RHPN2: variants seen among roughly 807,000 people sequenced by gnomAD.
RHPN2 encodes the protein rhophilin-2.
Under a neutral mutation model 79.0 loss-of-function variants are expected in RHPN2, and 40 were observed. The ratio of observed to expected loss-of-function variants is 0.51; its 90% CI spans 0.39 to 0.66. The LOEUF (loss-of-function observed/expected upper bound fraction) is 0.66. RHPN2 is among the 30% of genes least tolerant of loss of function. The pLI is 0.00. For missense variants in RHPN2, 686 were observed against 883.5 expected, an observed-to-expected ratio of 0.78 and a Z score of 2.83; for synonymous variants, 285 against 363.5, an observed-to-expected ratio of 0.78 and a Z score of 2.46.
chr19:33,033,374 C>T (rs1253533893), intron 2 of RHPN2, among the ~76,000 whole-genome samples: 15 of 151,788 alleles, frequency 9.9e-5, no homozygotes, highest in African/African-American at 2.4e-4. Context: ...AAGATCAGCC[C>T]GGCCAACATG....
At chr19:33,023,437 GAAAAAAAAAAA>G in intron 3 of RHPN2, among the ~76,000 whole-genome samples, 1 of 77,786 alleles carries the variant, frequency 1.3e-5, no homozygotes, top group Non-Finnish European at 2.6e-5. Flanking sequence ...TCCATCTCAG[GAAAAAAAAAAA>G]AAAAGAAAAA....
intron 1 of RHPN2, among the ~76,000 whole-genome samples, chr19:33,059,484 G>T (rs538878104): frequency 6.6e-6 from 1 of 151,866 alleles, no homozygotes; most frequent in South Asian, 2.1e-4. Flanking sequence ...ATTTTTAGTA[G>T]AGACAGGGTT....
intron 4 of RHPN2, 37 bp from the exon 5 acceptor site, chr19:33,012,761 G>A (rs1971845541): frequency 1.7e-6 from 2 of 1,211,168 alleles, no homozygotes; most frequent in Non-Finnish European, 2.5e-6. Context: ...ATAAAGTGTG[G>A]CTGAAAACCA....
chr19:32,990,838 T>A (rs1971652937), intron 13 of RHPN2, 169 bp from the exon 14 acceptor site: 1 of 665,820 alleles, frequency 1.5e-6, no homozygotes, highest in African/African-American at 1.8e-5. Context: ...AAGACCAGCC[T>A]GTACAACACG....
intron 10 of RHPN2, among the ~76,000 whole-genome samples, chr19:32,998,734 AAGG>A (rs1242648513): frequency 6.8e-6 from 1 of 147,026 alleles, no homozygotes; most frequent in African/African-American, 2.5e-5. Context: ...GGAAAGAATA[AAGG>A]AGAGAGGAGA....
chr19:33,039,743 C>G (rs1009442183), intron 2 of RHPN2, among the ~76,000 whole-genome samples: 2 of 151,596 alleles, frequency 1.3e-5, no homozygotes, highest in African/African-American at 4.8e-5. Flanking sequence ...GAGGCTGAGG[C>G]AGGAGAATCA....
At chr19:33,037,584 G>A (rs766636265) in intron 2 of RHPN2, among the ~76,000 whole-genome samples, 3 of 152,030 alleles carry the variant, frequency 2.0e-5, no homozygotes, top group African/African-American at 4.8e-5. Flanking sequence ...TGAAGCCAGC[G>A]AGACCACAAA....
chr19:32,985,982 A>T (rs1971610576), intron 14 of RHPN2, among the ~76,000 whole-genome samples: 1 of 152,236 alleles, frequency 6.6e-6, no homozygotes, highest in Non-Finnish European at 1.5e-5. Flanking sequence ...GGTGAAAAGA[A>T]TAAACATCAT....
intron 9 of RHPN2, among the ~76,000 whole-genome samples, chr19:33,001,395 T>C (rs1336400291): frequency 1.3e-5 from 2 of 152,046 alleles, no homozygotes; most frequent in Admixed American, 6.6e-5. Context: ...TTTTTTTAAT[T>C]AACTGGTGTA....
Position 33,009,038 on chromosome 19 carries a change from T to C in RHPN2, c.594-858A>G, listed in dbSNP as rs543946508. 2.6e-5 allele frequency among the ~76,000 whole-genome samples: 4 copies of C among 151,288 alleles called. No homozygotes were observed. The South Asian group carries it at 8.3e-4, about 32-fold the overall frequency. Reference sequence around the variant, plus strand: ...ATTGCTACCTACTGTATACGCTGTGTGATTCCAACATTCTGAAAAGCCAAA... The same window carrying C: ...ATTGCTACCTACTGTATACGCTGTGCGATTCCAACATTCTGAAAAGCCAAA... On this transcript the variant is annotated intron_variant, in intron 6 of 14. Coordinates refer to ENST00000254260, the MANE Select transcript of RHPN2 (RefSeq NM_033103.5).
chr19:33,045,774 A>T (rs917215001), intron 1 of RHPN2, among the ~76,000 whole-genome samples: 1 of 152,002 alleles, frequency 6.6e-6, no homozygotes, highest in African/African-American at 2.4e-5. Context: ...ACGCCCATCA[A>T]CCACTATCTG....
intron 1 of RHPN2, among the ~76,000 whole-genome samples, chr19:33,060,260 C>T (rs1972268749): frequency 6.6e-6 from 1 of 152,184 alleles, no homozygotes; most frequent in South Asian, 2.1e-4. Context: ...ATCCTGCTGC[C>T]TCAGCCTCCT....
At position 33,011,575 on chromosome 19, in the gene RHPN2, T is replaced by C. The variant is rs1971835356; in HGVS notation, c.593+104A>G. 2.9e-6 allele frequency: 4 copies of C among 1,357,024 alleles called. No homozygotes were observed. The Admixed American group carries it at 6.8e-5, about 23-fold the overall frequency. 84.1% of individuals were successfully genotyped at this position (1,357,024 alleles called of 1,614,324 possible). A position where few individuals can be genotyped will look rare whatever the true frequency, so the allele number is the denominator to read the frequency against. On this transcript the variant is annotated intron_variant, in intron 6 of 14. Transcript: ENST00000254260. ...ATAAATGCAAGATAGGAAAGGGGGCTGAGGTGCACAGGGGCACCCGCAGAG... is the reference window on the plus strand; with the variant it reads ...ATAAATGCAAGATAGGAAAGGGGGCCGAGGTGCACAGGGGCACCCGCAGAG...
At chr19:32,990,844 A>G in intron 13 of RHPN2, 175 bp from the exon 14 acceptor site, 1 of 635,550 alleles carries the variant, frequency 1.6e-6, no homozygotes, top group Non-Finnish European at 2.8e-6. Flanking sequence ...AGCCTGTACA[A>G]CACGGTGAAA....
At chr19:33,023,078 A>G (rs1411875578) in intron 3 of RHPN2, among the ~76,000 whole-genome samples, 1 of 152,046 alleles carries the variant, frequency 6.6e-6, no homozygotes, top group Non-Finnish European at 1.5e-5. Context: ...TTTCTTTCCC[A>G]CCTACCTCCT....
At chr19:33,028,904 T>G (rs1027095843) in intron 2 of RHPN2, among the ~76,000 whole-genome samples, 7 of 152,046 alleles carry the variant, frequency 4.6e-5, no homozygotes, top group Admixed American at 3.9e-4. Context: ...TTTGGGAGGT[T>G]GAGGTGGGTA....
Position 32,980,268 on chromosome 19 carries a change from A to G in RHPN2, c.1801-12T>C, listed in dbSNP as rs1971563824. 2.5e-6 allele frequency: 4 copies of G among 1,613,536 alleles called. No homozygotes were observed. In the South Asian group the frequency reaches 4.4e-5, roughly 18 times the overall value. ...GCACTCTTATTATGCTGCACATAGAAAAGTAAGAAAAAGGGCGTCAGGCAT... is the reference window on the plus strand; with the variant it reads ...GCACTCTTATTATGCTGCACATAGAGAAGTAAGAAAAAGGGCGTCAGGCAT... On this transcript the variant is annotated splice_polypyrimidine_tract_variant and intron_variant, in intron 14 of 14. Coordinates refer to ENST00000254260, the MANE Select transcript of RHPN2 (RefSeq NM_033103.5).
intron 14 of RHPN2, among the ~76,000 whole-genome samples, chr19:32,987,098 G>A (rs1173803069): frequency 3.3e-5 from 5 of 151,656 alleles, no homozygotes; most frequent in African/African-American, 4.8e-5. Context: ...GGCTGGTCTC[G>A]AACTCCTGGG....
At chr19:33,039,675 T>C (rs757076837) in intron 2 of RHPN2, among the ~76,000 whole-genome samples, 3 of 151,768 alleles carry the variant, frequency 2.0e-5, no homozygotes, top group Non-Finnish European at 4.4e-5. Context: ...TCGTCTCTAC[T>C]AAAAATACAA....
Sources: gnomAD v4.1 joint callset for allele counts (sites outside exome capture counted in the v4.1 genomes callset) on GRCh38, gnomAD v4.1.1 for gene constraint, MANE v1.5 for transcripts, NCBI Gene and HGNC (gene_info 2026-07-23, HGNC 2026-07-21) for gene names.